Variants in SMIM19 observed in about 807,000 individuals in gnomAD.
The protein encoded by SMIM19 is UPF0697 protein C8orf40.
Under a neutral mutation model 13.2 loss-of-function variants are expected in SMIM19, and 6 were observed. The observed-to-expected ratio is 0.45, with a 90% CI of 0.25 to 0.90. SMIM19 has a LOEUF of 0.90. Ranked by LOEUF, SMIM19 falls within the 40% of genes least tolerant of loss-of-function variation. SMIM19 has a pLI of 0.19. For missense variants in SMIM19, 138 were observed against 131.0 expected (o/e 1.05, Z -0.26); for synonymous variants, 46 against 43.1 (o/e 1.07, Z -0.27).
rs1466307721 is a variant in SMIM19 at position 42,542,232 on chromosome 8, C to T, written c.-146C>T. On this transcript the variant is annotated 5_prime_UTR_variant, in exon 1 of 4. Transcript: ENST00000417410. ...TGGCTTTGGACAAGTTATATAACCA[C>T]CGCCGCCACCCCAGTTTCTTCTCCT... is the stretch of plus-strand genomic sequence containing the variant. The T allele has an allele frequency of 6.4e-6, 1 of 156,536 alleles. No individual in the cohort carries two copies. The highest frequency in any genetic ancestry group is 1.9e-4 in the East Asian group (1 of 5,194). 9.7% of individuals were successfully genotyped at this position (156,536 alleles called of 1,614,324 possible).
chr8:42,551,737 T>C (rs1240325945), intron 3 of SMIM19, among the ~76,000 whole-genome samples: 1 of 151,530 alleles, frequency 6.6e-6, no homozygotes, highest in Non-Finnish European at 1.5e-5. Context: ...AGCCCAAGAG[T>C]TCAAAGACCA....
Position 42,542,085 on chromosome 8 carries a change from C to G in SMIM19, c.-293C>G, listed in dbSNP as rs895051186. 6.6e-6 allele frequency: 1 copy of G among 152,228 alleles called. No individual in the cohort carries two copies. The highest frequency in any genetic ancestry group is 2.1e-4 in the South Asian group (1 of 4,828). 9.4% of individuals were successfully genotyped at this position (152,228 alleles called of 1,614,324 possible). A position where few individuals can be genotyped will look rare whatever the true frequency, so the allele number is the denominator to read the frequency against. Reference sequence around the variant, plus strand: ...TCCTGGGAGAGGATTACATTTTCTCCCTGCTCCACTTGACTTTCTTCCGGA... The same window carrying G: ...TCCTGGGAGAGGATTACATTTTCTCGCTGCTCCACTTGACTTTCTTCCGGA... On this transcript the variant is annotated 5_prime_UTR_variant, in exon 1 of 4. Transcript: ENST00000417410.
chr8:42,551,311 C>CA (rs35606576), intron 3 of SMIM19, among the ~76,000 whole-genome samples: 4,484 of 118,394 alleles, frequency 0.038, 217 homozygotes, highest in African/African-American at 0.12. Flanking sequence ...GAGCGAGACT[C>CA]AAAAAAAAAA....
At chr8:42,548,468 C>A in intron 2 of SMIM19, 188 bp from the exon 3 acceptor site, 1 of 689,036 alleles carries the variant, frequency 1.5e-6, no homozygotes, top group Non-Finnish European at 2.5e-6. Flanking sequence ...TTCTCACAGC[C>A]TCATACTTTT....
intron 2 of SMIM19, 167 bp from the exon 3 acceptor site, chr8:42,548,489 A>G: frequency 1.2e-6 from 1 of 802,918 alleles, no homozygotes; most frequent in Non-Finnish European, 2.1e-6. Flanking sequence ...TAGTGAAAGA[A>G]AGAATACTTT....
intron 2 of SMIM19, 102 bp downstream of exon 2, chr8:42,546,708 G>T: frequency 7.1e-7 from 1 of 1,406,074 alleles, no homozygotes; most frequent in Non-Finnish European, 9.6e-7. Context: ...CATCAGGCTG[G>T]ACGCAGTGGC....
At chr8:42,542,676 C>T (rs939540000) in intron 1 of SMIM19, among the ~76,000 whole-genome samples, 2 of 152,048 alleles carry the variant, frequency 1.3e-5, no homozygotes, top group East Asian at 3.9e-4. Flanking sequence ...AAAAGTAGTT[C>T]TCGGCTGGGC....
Position 42,548,410 on chromosome 8 carries a change from A to G in SMIM19, c.135-246A>G, listed in dbSNP as rs745532415. The G allele has an allele frequency of 3.0e-5, 16 of 538,894 alleles. 1 individual carries two copies. Among genetic ancestry groups the G allele is most frequent in the South Asian group, 4.6e-5 (3 of 65,342 alleles). The allele number at this position is 538,894 out of a possible 1,614,324, so 33.4% of individuals were successfully genotyped here. On this transcript the variant is annotated intron_variant, in intron 2 of 3. Coordinates refer to ENST00000417410, the MANE Select transcript of SMIM19 (RefSeq NM_001135674.2). ...TTTTGGAGGATTGAGGAGAATCACA[A>G]TGGAGGAACTTCACTTTGTTGTGTT... is the stretch of plus-strand genomic sequence containing the variant.
At position 42,552,541 on chromosome 8, in the gene SMIM19, T is replaced by C; in HGVS notation, c.260-3T>C. 4 of 1,613,966 alleles carry C rather than the reference T, an allele frequency of 2.5e-6. 1 individual carries two copies. In the South Asian group the frequency reaches 4.4e-5, roughly 18 times the overall value. On this transcript the variant is annotated splice_polypyrimidine_tract_variant and splice_region_variant and intron_variant, in intron 3 of 3. Coordinates refer to ENST00000417410, the MANE Select transcript of SMIM19 (RefSeq NM_001135674.2). ...TATCTCTTCTTTTTCTTGTTGTGAA[T>C]AGCAAGAAAGTACGACTATCAGCAG...
chr8:42,544,260 A>G, intron 1 of SMIM19, among the ~76,000 whole-genome samples: 2 of 150,216 alleles, frequency 1.3e-5, no homozygotes. Context: ...AAATACAAAA[A>G]AGTAGCCGGG....
At chr8:42,543,696 T>G (rs1281758470) in intron 1 of SMIM19, among the ~76,000 whole-genome samples, 1 of 152,220 alleles carries the variant, frequency 6.6e-6, no homozygotes, top group African/African-American at 2.4e-5. Flanking sequence ...ATTAACCTGG[T>G]TCTGATCCAT....
rs1813738024 is a variant in SMIM19, at chr8:42,553,592, G to T, written c.*984G>T. The T allele has an allele frequency of 6.6e-6, 1 of 152,152 alleles. No individual in the cohort carries two copies. The highest frequency in any genetic ancestry group is 1.5e-5 in the Non-Finnish European group (1 of 68,018). 9.4% of individuals were successfully genotyped at this position (152,152 alleles called of 1,614,324 possible). On this transcript the variant is annotated 3_prime_UTR_variant, in exon 4 of 4. Transcript: ENST00000417410. ...GAAATGTTTTTACCTAATTTTTCATGTTTATTTAAATAAAAGCTGACTGGG... is the reference window on the plus strand; with the variant it reads ...GAAATGTTTTTACCTAATTTTTCATTTTTATTTAAATAAAAGCTGACTGGG...
At chr8:42,550,056 A>C (rs769949427) in intron 3 of SMIM19, among the ~76,000 whole-genome samples, 54 of 152,224 alleles carry the variant, frequency 3.5e-4, no homozygotes, top group Non-Finnish European at 6.0e-4. Context: ...AGATCACACC[A>C]TTACACTCCA....
chr8:42,543,007 C>T (rs562773851), intron 1 of SMIM19, among the ~76,000 whole-genome samples: 10 of 149,716 alleles, frequency 6.7e-5, no homozygotes, highest in African/African-American at 2.2e-4. Context: ...AAGTAGTTCT[C>T]ATCCTAAAAG....
At chr8:42,548,823 A>C (rs201529309) in intron 3 of SMIM19, 43 bp downstream of exon 3, 214 of 1,549,816 alleles carry the variant, frequency 1.4e-4, no homozygotes, top group Admixed American at 1.9e-4. Flanking sequence ...TGCACATTTA[A>C]AATAGATTTT....
intron 1 of SMIM19, 96 bp from the exon 2 acceptor site, chr8:42,546,373 G>A: frequency 7.2e-7 from 1 of 1,394,574 alleles, no homozygotes; most frequent in Non-Finnish European, 9.5e-7. Flanking sequence ...GTGGTGGACT[G>A]GATTTGGCCA....
chr8:42,542,312 CTG>C lies in SMIM19; in HGVS notation c.-63_-62del, dbSNP rs1274155138. The C allele has an allele frequency of 5.9e-6, 2 of 337,020 alleles. No homozygotes were observed. The highest frequency in any genetic ancestry group is 2.4e-4 in the South Asian group (2 of 8,424). The allele number at this position is 337,020 out of a possible 1,614,324, so 20.9% of individuals were successfully genotyped here. The stretch of plus-strand genomic sequence containing the variant: ...GGGTTGTTGGGATAATTCAGTGACT[CTG>C]TGGACTGCCCAGCACCTGTGAATTG... On this transcript the variant is annotated 5_prime_UTR_variant, in exon 1 of 4. Coordinates refer to ENST00000417410, the MANE Select transcript of SMIM19 (RefSeq NM_001135674.2).
At chr8:42,546,662 T>C (rs1813498134) in intron 2 of SMIM19, 56 bp downstream of exon 2, 1 of 1,576,156 alleles carries the variant, frequency 6.3e-7, no homozygotes. Context: ...GTTTTGCTAG[T>C]TTAAGAAATA....
rs1813241582 is a variant in SMIM19 at position 42,542,011 on chromosome 8, G to GGCGGCGGAAACGTCCCTAGAGCCTC, written c.-364_-340dup. The GGCGGCGGAAACGTCCCTAGAGCCTC allele has an allele frequency of 6.6e-6, 1 of 152,376 alleles. No individual in the cohort carries two copies. The highest frequency in any genetic ancestry group is 2.1e-4 in the South Asian group (1 of 4,834). The allele number at this position is 152,376 out of a possible 1,614,324, so 9.4% of individuals were successfully genotyped here. ...GAGGCTGAATCACGCGCAGCCTGCG[G>GGCGGCGGAAACGTCCCTAGAGCCTC]GCGGCGGAAACGTCCCTAGAGCCTC... is the stretch of plus-strand genomic sequence containing the variant. On this transcript the variant is annotated 5_prime_UTR_variant, in exon 1 of 4. Coordinates refer to ENST00000417410, the MANE Select transcript of SMIM19 (RefSeq NM_001135674.2).
Sources: allele counts gnomAD v4.1 joint callset (sites outside exome capture counted in the v4.1 genomes callset), GRCh38; gene constraint gnomAD v4.1.1; transcripts MANE v1.5; gene names NCBI Gene and HGNC (gene_info 2026-07-23, HGNC 2026-07-21).